CBLB: variants seen among roughly 807,000 people sequenced by gnomAD.
CBLB encodes the protein Cbl proto-oncogene B, also known as E3 ubiquitin-protein ligase CBL-B.
In CBLB, 31 loss-of-function variants were observed where a neutral mutation model predicts 104.9. That is an observed-to-expected ratio of 0.30 (90% confidence interval 0.22 to 0.40). The LOEUF (loss-of-function observed/expected upper bound fraction) is 0.40, where lower values mean the gene tolerates loss of function less well. Among genes scored for constraint, CBLB ranks in the 10% least tolerant of loss-of-function variants. The pLI, the probability that CBLB is intolerant of heterozygous loss-of-function variation, is 1.00. For synonymous variants in CBLB, 440 were observed against 422.6 expected, an observed-to-expected ratio of 1.04 and a Z score of -0.51; for missense variants, 1,062 against 1,214.6, an observed-to-expected ratio of 0.87 and a Z score of 1.87.
chr3:105,837,521 C>T (rs768092647), intron 3 of CBLB, among the ~76,000 whole-genome samples: 31 of 152,234 alleles, frequency 2.0e-4, no homozygotes, highest in South Asian at 1.7e-3. Context: ...ATGCTCATTG[C>T]TTTGAGTAGT....
intron 10 of CBLB, 52 bp from the exon 11 acceptor site, chr3:105,704,225 T>A: frequency 1.3e-6 from 2 of 1,526,368 alleles, no homozygotes; most frequent in Non-Finnish European, 1.8e-6. Flanking sequence ...TGCAGAGTGT[T>A]CTCTGTTCTT....
intron 3 of CBLB, among the ~76,000 whole-genome samples, chr3:105,809,471 A>T (rs905394256): frequency 6.6e-6 from 1 of 152,184 alleles, no homozygotes; most frequent in South Asian, 2.1e-4. Context: ...CCAGCCACTC[A>T]TGAGTCTACA....
At chr3:105,684,039 A>G (rs1373972626) in intron 14 of CBLB, among the ~76,000 whole-genome samples, 3 of 152,200 alleles carry the variant, frequency 2.0e-5, no homozygotes, top group Non-Finnish European at 2.9e-5. Context: ...TTAGTTTTTC[A>G]TTGGAAAAGA....
chr3:105,748,476 T>C (rs1400591033), intron 5 of CBLB, among the ~76,000 whole-genome samples: 1 of 152,114 alleles, frequency 6.6e-6, no homozygotes, highest in Non-Finnish European at 1.5e-5. Flanking sequence ...TAGTGCCCCA[T>C]TTCTCAGTGA....
intron 3 of CBLB, among the ~76,000 whole-genome samples, chr3:105,807,639 G>A (rs1221188885): frequency 6.6e-6 from 1 of 151,538 alleles, no homozygotes; most frequent in Non-Finnish European, 1.5e-5. Context: ...ATTATATATG[G>A]CACAAAACAT....
chr3:105,680,049 A>C (rs1221680861), intron 16 of CBLB, among the ~76,000 whole-genome samples: 2 of 151,968 alleles, frequency 1.3e-5, no homozygotes, highest in African/African-American at 4.8e-5. Flanking sequence ...AAAGGAGCTT[A>C]AAAAAAAGCT....
rs913778675 is a variant in CBLB, at chr3:105,726,101, G to A, written c.1204-5851C>T. On this transcript the variant is annotated intron_variant, in intron 9 of 18. Coordinates refer to ENST00000394030, the MANE Select transcript of CBLB (RefSeq NM_170662.5). ...TGACCTCATGTGATCCACCCACCTC[G>A]GCTTCTCAAAGTGCTGGGATTACAG... is the stretch of plus-strand genomic sequence containing the variant. Among the ~76,000 whole-genome samples the A allele has an allele frequency of 5.3e-5, 8 of 152,174 alleles. No homozygotes were observed. In the East Asian group the frequency reaches 9.6e-4, roughly 18 times the overall value.
intron 18 of CBLB, among the ~76,000 whole-genome samples, chr3:105,668,845 C>A (rs2064759753): frequency 6.6e-6 from 1 of 152,120 alleles, no homozygotes; most frequent in African/African-American, 2.4e-5. Flanking sequence ...CATTAATTAT[C>A]TTGATTCAGA....
intron 3 of CBLB, among the ~76,000 whole-genome samples, chr3:105,845,597 A>G (rs1405654288): frequency 6.6e-6 from 1 of 152,044 alleles, no homozygotes. Flanking sequence ...ATCAACAAGA[A>G]AATTACATTG....
chr3:105,758,975 T>A (rs1187656388), intron 4 of CBLB, among the ~76,000 whole-genome samples: 1 of 152,182 alleles, frequency 6.6e-6, no homozygotes, highest in East Asian at 1.9e-4. Flanking sequence ...GTGGGCACAT[T>A]TCAGCCCTGT....
intron 1 of CBLB, 41 bp from the exon 2 acceptor site, chr3:105,867,632 T>A (rs1441742726): frequency 6.4e-7 from 1 of 1,573,014 alleles, no homozygotes; most frequent in African/African-American, 1.3e-5. Context: ...TTAGTTGGTT[T>A]TGAAAATATT....
chr3:105,721,887 T>G (rs945727519), intron 9 of CBLB, among the ~76,000 whole-genome samples: 1 of 152,092 alleles, frequency 6.6e-6, no homozygotes, highest in Non-Finnish European at 1.5e-5. Context: ...AAACTCCCCT[T>G]GTTATAAAAG....
At chr3:105,665,436 T>C (rs1250147441) in intron 18 of CBLB, among the ~76,000 whole-genome samples, 39 of 101,692 alleles carry the variant, frequency 3.8e-4, no homozygotes, top group African/African-American at 1.2e-3. Flanking sequence ...TATATATATA[T>C]ATATATACAC....
chr3:105,833,220 A>G (rs2087846774), intron 3 of CBLB, among the ~76,000 whole-genome samples: 1 of 152,230 alleles, frequency 6.6e-6, no homozygotes, highest in African/African-American at 2.4e-5. Flanking sequence ...CGCAGTTTCC[A>G]TTCATTCTGA....
intron 10 of CBLB, 80 bp from the exon 11 acceptor site, chr3:105,704,253 G>T: frequency 1.5e-6 from 2 of 1,343,940 alleles, no homozygotes; most frequent in Non-Finnish European, 2.1e-6. Flanking sequence ...ATATTTGGTT[G>T]GAAGAAGGTT....
chr3:105,831,373 G>C (rs1342875423), intron 3 of CBLB, among the ~76,000 whole-genome samples: 1 of 152,196 alleles, frequency 6.6e-6, no homozygotes, highest in African/African-American at 2.4e-5. Context: ...AAAGGATGGG[G>C]ATCTCCAGGT....
chr3:105,762,857 C>A (rs2077794188), intron 4 of CBLB, among the ~76,000 whole-genome samples: 1 of 152,200 alleles, frequency 6.6e-6, no homozygotes, highest in South Asian at 2.1e-4. Flanking sequence ...AGTAGATCTA[C>A]CAACATTTTG....
chr3:105,678,299 T>G lies in CBLB; in HGVS notation c.2569+132A>C. 4 of 867,958 alleles carry G rather than the reference T, an allele frequency of 4.6e-6. No homozygotes were observed. The South Asian group carries it at 5.7e-5, about 12-fold the overall frequency. 53.8% of individuals were successfully genotyped at this position (867,958 alleles called of 1,614,324 possible). A position where few individuals can be genotyped will look rare whatever the true frequency, so the allele number is the denominator to read the frequency against. On this transcript the variant is annotated intron_variant, in intron 17 of 18. Coordinates refer to ENST00000394030, the MANE Select transcript of CBLB (RefSeq NM_170662.5). ...AACAAACGTACCCACGATTGCTACT[T>G]TTACCACCCAGGGATTTTTCTGTTC...
intron 3 of CBLB, among the ~76,000 whole-genome samples, chr3:105,833,733 A>T (rs1326972962): frequency 6.6e-6 from 1 of 152,036 alleles, no homozygotes; most frequent in African/African-American, 2.4e-5. Flanking sequence ...ATTTTACATC[A>T]TTTAACATCA....
Sources: gnomAD v4.1 joint callset for allele counts (sites outside exome capture counted in the v4.1 genomes callset) on GRCh38, gnomAD v4.1.1 for gene constraint, MANE v1.5 for transcripts, NCBI Gene and HGNC (gene_info 2026-07-23, HGNC 2026-07-21) for gene names.